The following RELCH variants were observed in gnomAD, a reference collection of about 807,000 sequenced individuals.
RELCH encodes RAB11-binding protein RELCH.
A neutral mutation model predicts 150.3 loss-of-function variants in RELCH; 41 were observed. That is an observed-to-expected ratio of 0.27 (90% CI 0.21 to 0.35). The LOEUF is 0.35. Ranked by LOEUF, RELCH falls within the 10% of genes least tolerant of loss-of-function variation. The pLI, the probability that RELCH is intolerant of heterozygous loss-of-function variation, is 1.00. For missense variants in RELCH, 1,092 were observed against 1,467.8 expected, an observed-to-expected ratio of 0.74 and a Z score of 4.18; for synonymous variants, 478 against 531.8, an observed-to-expected ratio of 0.90 and a Z score of 1.39.
intron 10 of RELCH, among the ~76,000 whole-genome samples, chr18:62,237,890 A>G (rs1361359049): frequency 6.6e-6 from 1 of 151,850 alleles, no homozygotes; most frequent in Non-Finnish European, 1.5e-5. Context: ...AGCACGATGA[A>G]TATAGATATT....
intron 12 of RELCH, 25 bp from the exon 13 acceptor site, chr18:62,255,382 G>T: frequency 6.5e-7 from 1 of 1,533,054 alleles, no homozygotes; most frequent in Non-Finnish European, 9.0e-7. Context: ...GTTTATGCTT[G>T]ATTTATTTAT....
intron 1 of RELCH, among the ~76,000 whole-genome samples, chr18:62,195,828 T>C (rs1380501959): frequency 1.3e-5 from 2 of 152,112 alleles, no homozygotes; most frequent in African/African-American, 4.8e-5. Flanking sequence ...CCCGAGTAGC[T>C]AGGACTACAG....
chr18:62,224,865 A>T (rs915933532), intron 5 of RELCH, among the ~76,000 whole-genome samples: 1 of 152,118 alleles, frequency 6.6e-6, no homozygotes, highest in Non-Finnish European at 1.5e-5. Flanking sequence ...TGTGGAAAGT[A>T]ATGATTTTTT....
In RELCH at chr18:62,305,869, A is replaced by C. The variant is rs2045862072; in HGVS notation, c.*335A>C. 1 of 153,854 alleles carries C rather than the reference A, an allele frequency of 6.5e-6. No homozygotes were observed. Among genetic ancestry groups the C allele is most frequent in the Admixed American group, 6.5e-5 (1 of 15,308 alleles). 9.5% of individuals were successfully genotyped at this position (153,854 alleles called of 1,614,324 possible). A position where few individuals can be genotyped will look rare whatever the true frequency, so the allele number is the denominator to read the frequency against. ...GGATATTCGCAAATATCTGTATTAT[A>C]CACTAAGCTATTACAATGGTACTTA... On this transcript the variant is annotated 3_prime_UTR_variant, in exon 29 of 29. Transcript: ENST00000644646. This position sits in a 1 kb window ranked among gnomAD's most constrained non-coding sequence, Gnocchi z 4.0.
chr18:62,284,111 C>T (rs978546581), intron 25 of RELCH: 4 of 152,076 alleles, frequency 2.6e-5, no homozygotes, highest in Admixed American at 1.3e-4. Context: ...GTTGATTCTT[C>T]GGAATCTTTT....
At chr18:62,266,510 A>G (rs1214151705) in intron 18 of RELCH, among the ~76,000 whole-genome samples, 191 bp from the exon 19 acceptor site, 1 of 151,900 alleles carries the variant, frequency 6.6e-6, no homozygotes, top group Non-Finnish European at 1.5e-5. Flanking sequence ...TAAAGTTTTT[A>G]TTTTCATTAA....
At chr18:62,267,455 TATAGAATATATATATA>T (rs2043633587) in intron 19 of RELCH, among the ~76,000 whole-genome samples, 1 of 148,640 alleles carries the variant, frequency 6.7e-6, no homozygotes, top group African/African-American at 2.5e-5. Flanking sequence ...TGTGTGTGTG[TATAGAATATATATATA>T]GTCTAGGTAT....
At chr18:62,200,406 A>C (rs970135607) in intron 1 of RELCH, among the ~76,000 whole-genome samples, 1 of 152,132 alleles carries the variant, frequency 6.6e-6, no homozygotes, top group African/African-American at 2.4e-5. Context: ...CATCTGTAAA[A>C]ATGAGGGGAT....
chr18:62,236,405 G>C (rs563730775), intron 10 of RELCH, among the ~76,000 whole-genome samples: 2 of 151,978 alleles, frequency 1.3e-5, no homozygotes, highest in Admixed American at 1.3e-4. Context: ...AAGGGATACT[G>C]TTCTGTGGTT....
rs1329450025 is a variant in RELCH at position 62,187,943 on chromosome 18, G to A, written c.438G>A (p.Gly146=). The part of the protein sequence containing the change: ...NFERQSGTPP[G]MGAPGVPGAA... ...AGAGGCAAAGTGGAACCCCGCCGGG[G>A]ATGGGGGCGCCAGGGGTCCCTGGAG... The change falls in exon 1 of 29, where the codon GGG becomes GGA. Residue 146 remains glycine, a synonymous_variant. Coordinates refer to ENST00000644646, the MANE Select transcript of RELCH (RefSeq NM_001346231.2). 5.0e-6 allele frequency: 8 copies of A among 1,598,888 alleles called. No individual in the cohort carries two copies. In the African/African-American group the frequency reaches 8.0e-5, roughly 16 times the overall value.
intron 7 of RELCH, 144 bp from the exon 8 acceptor site, chr18:62,228,161 T>TA: frequency 3.1e-6 from 2 of 647,810 alleles, no homozygotes; most frequent in South Asian, 2.2e-5. Context: ...GAATATTGCA[T>TA]AAAAAAGATT....
At chr18:62,277,651 A>G in intron 22 of RELCH, 6 of 973,906 alleles carry the variant, frequency 6.2e-6, no homozygotes, top group Non-Finnish European at 7.3e-6. Flanking sequence ...CAGGAACCTA[A>G]TAGGGTATGG....
intron 1 of RELCH, among the ~76,000 whole-genome samples, chr18:62,209,765 G>C (rs1894356542): frequency 6.6e-6 from 1 of 151,804 alleles, no homozygotes; most frequent in African/African-American, 2.4e-5. Context: ...CTGTCTTTCT[G>C]TTGATTTAGA....
At chr18:62,284,986 T>C (rs1190478938) in intron 25 of RELCH, among the ~76,000 whole-genome samples, 1 of 152,134 alleles carries the variant, frequency 6.6e-6, no homozygotes, top group Non-Finnish European at 1.5e-5. Flanking sequence ...CCATTTCTGA[T>C]TTTTTCCCCT....
chr18:62,195,308 G>GTGTGTA (rs759031925), intron 1 of RELCH, among the ~76,000 whole-genome samples: 1 of 151,862 alleles, frequency 6.6e-6, no homozygotes, highest in African/African-American at 2.4e-5. Flanking sequence ...GTGTGTGTGT[G>GTGTGTA]TGTGTATACA....
chr18:62,214,065 A>T (rs538212105), intron 2 of RELCH, among the ~76,000 whole-genome samples: 1 of 152,180 alleles, frequency 6.6e-6, no homozygotes, highest in Admixed American at 6.6e-5. Flanking sequence ...AGCAGACCTT[A>T]CATTTTTAAC....
At chr18:62,211,557 C>G (rs1423685195) in intron 2 of RELCH, among the ~76,000 whole-genome samples, 1 of 152,034 alleles carries the variant, frequency 6.6e-6, no homozygotes, top group African/African-American at 2.4e-5. Context: ...AGCCTCATTC[C>G]TTTGATCCTC....
At chr18:62,241,567 G>T (rs2042149426) in intron 10 of RELCH, among the ~76,000 whole-genome samples, 1 of 151,914 alleles carries the variant, frequency 6.6e-6, no homozygotes, top group South Asian at 2.1e-4. Context: ...TATGCCTAAG[G>T]ATTTTTTTAT....
In RELCH at chr18:62,305,442, A is replaced by G; in HGVS notation, c.3559A>G (p.Ser1187Gly). The G allele has an allele frequency of 6.2e-7, 1 of 1,610,676 alleles. No homozygotes were observed. The highest frequency in any genetic ancestry group is 8.5e-7 in the Non-Finnish European group (1 of 1,178,148). ...AATGTCAATTGCTGCAAGCTTAGTG[A>G]GTGAAGATACAAAGACCAAGTTTTT... Reference protein sequence around the residue: ...GSMSIAASLVSEDTKTKFLNK... With the variant: ...GSMSIAASLVGEDTKTKFLNK... Residue 1187 changes from serine (S) to glycine (G), a missense_variant, in exon 29 of 29, where the codon AGT (serine) becomes GGT (glycine). This residue lies in a region of RELCH where 707 missense variants were observed against 1,025.4 expected (regional missense o/e 0.69). Coordinates refer to ENST00000644646, the MANE Select transcript of RELCH (RefSeq NM_001346231.2). This position sits in a 1 kb window ranked among gnomAD's most constrained non-coding sequence, Gnocchi z 4.0.
Sources: allele counts gnomAD v4.1 joint callset (sites outside exome capture counted in the v4.1 genomes callset), GRCh38; gene constraint gnomAD v4.1.1; regional missense constraint gnomAD v4.1.1; non-coding constraint Gnocchi (gnomAD v3.1); transcripts MANE v1.5; gene names NCBI Gene and HGNC (gene_info 2026-07-23, HGNC 2026-07-21).